The following ERG variants were observed in gnomAD, a reference collection of about 807,000 sequenced individuals.
ERG encodes the protein transcriptional regulator ERG.
A neutral mutation model predicts 55.3 loss-of-function variants in ERG; 9 were observed. The ratio of observed to expected loss-of-function variants is 0.16; its 90% CI spans 0.10 to 0.28. The LOEUF (loss-of-function observed/expected upper bound fraction) is 0.28, where lower values mean the gene tolerates loss of function less well. Among genes scored for constraint, ERG ranks in the 10% least tolerant of loss-of-function variants. The pLI, the probability that ERG is intolerant of heterozygous loss-of-function variation, is 1.00. For synonymous variants in ERG, 223 were observed against 237.3 expected (o/e 0.94, Z 0.55); for missense variants, 434 against 631.6 (o/e 0.69, Z 3.35).
In ERG at chr21:38,399,166, G is replaced by A. The variant is rs912045117; in HGVS notation, c.745+1408C>T. On this transcript the variant is annotated intron_variant, in intron 6 of 9. Coordinates refer to ENST00000288319, the MANE Select transcript of ERG (RefSeq NM_182918.4). ...GGCCTGTGAAATCTTTTACATGACA[G>A]AGATGACTTACTACCTCTTAGTACC... Among the ~76,000 whole-genome samples the A allele has an allele frequency of 5.5e-4, 84 of 152,280 alleles. 1 individual carries two copies. In the East Asian group the frequency reaches 9.7e-3, roughly 18 times the overall value.
At chr21:38,510,848 A>C (rs2059506432) in intron 2 of ERG, among the ~76,000 whole-genome samples, 1 of 152,248 alleles carries the variant, frequency 6.6e-6, no homozygotes, top group African/African-American at 2.4e-5. Flanking sequence ...AGAGCCAGGA[A>C]TAAAAGCTCA....
intron 2 of ERG, among the ~76,000 whole-genome samples, chr21:38,527,047 G>C (rs1568884120): frequency 6.6e-6 from 1 of 152,162 alleles, no homozygotes; most frequent in African/African-American, 2.4e-5. Context: ...TGCATCCTCA[G>C]ATCTGAGAGT....
At position 38,466,300 on chromosome 21, in the gene ERG, G is replaced by GGTGTGTGTGTGTGTGTGTGT. The variant is rs145670035; in HGVS notation, c.19-20699_19-20680dup. 3.6e-3 allele frequency among the ~76,000 whole-genome samples: 513 copies of GGTGTGTGTGTGTGTGTGTGT among 140,670 alleles called. 1 individual carries two copies. The highest frequency in any genetic ancestry group is 0.012 in the African/African-American group (449 of 37,806). 92.3% of individuals were successfully genotyped at this position (140,670 alleles called of 152,430 possible). A position where few individuals can be genotyped will look rare whatever the true frequency, so the allele number is the denominator to read the frequency against. Reference sequence around the variant, plus strand: ...CAGTTTAGGCTGTCTGATGGTCTGGGGTGTGTGTGTGTGTGTGTGTGTGTG... The same window carrying GGTGTGTGTGTGTGTGTGTGT: ...CAGTTTAGGCTGTCTGATGGTCTGGGGTGTGTGTGTGTGTGTGTGTGTGTGTGTGTGTGTGTGTGTGTGTG... On this transcript the variant is annotated intron_variant, in intron 1 of 9. Transcript: ENST00000288319.
chr21:38,617,026 T>C (rs371664783), intron 1 of ERG, among the ~76,000 whole-genome samples: 2 of 152,214 alleles, frequency 1.3e-5, no homozygotes, highest in South Asian at 2.1e-4. Flanking sequence ...ATTACCTGCC[T>C]GAATTTCTAG....
chr21:38,656,595 G>A (rs2060520639), intron 1 of ERG, among the ~76,000 whole-genome samples: 1 of 152,132 alleles, frequency 6.6e-6, no homozygotes, highest in East Asian at 1.9e-4. Flanking sequence ...ACTTTAGTGA[G>A]CCCCAAGAAT....
intron 1 of ERG, among the ~76,000 whole-genome samples, chr21:38,485,880 G>T (rs796452540): frequency 3.3e-5 from 5 of 152,044 alleles, no homozygotes; most frequent in African/African-American, 1.2e-4. Context: ...TCCATTCATG[G>T]TAAGTGCCTT....
intron 1 of ERG, chr21:38,470,933 A>C (rs2059133541): frequency 6.6e-6 from 1 of 152,184 alleles, no homozygotes; most frequent in African/African-American, 2.4e-5. Flanking sequence ...GGGAGGGTCG[A>C]GGTGACTCAG....
At chr21:38,407,798 C>T (rs1011669559) in intron 3 of ERG, among the ~76,000 whole-genome samples, 267 of 145,636 alleles carry the variant, frequency 1.8e-3, no homozygotes, top group Non-Finnish European at 3.2e-3. Flanking sequence ...AAAAATGAAA[C>T]TATGCAAAGC....
chr21:38,477,905 C>A (rs2059203811), intron 1 of ERG, among the ~76,000 whole-genome samples: 1 of 152,220 alleles, frequency 6.6e-6, no homozygotes, highest in Non-Finnish European at 1.5e-5. Context: ...ATATATTTAG[C>A]ATGTCCTAAA....
intron 1 of ERG, among the ~76,000 whole-genome samples, chr21:38,646,521 G>C (rs1409191195): frequency 6.6e-6 from 1 of 152,134 alleles, no homozygotes; most frequent in Non-Finnish European, 1.5e-5. Flanking sequence ...CTAAGAATCT[G>C]CTTTTCCCTT....
upstream of ERG, among the ~76,000 whole-genome samples, chr21:38,499,266 C>T (rs1409272620): frequency 6.6e-6 from 1 of 152,196 alleles, no homozygotes; most frequent in Non-Finnish European, 1.5e-5. Context: ...AACAGATCCT[C>T]ATAGAACTTT....
chr21:38,402,670 GAAA>G, intron 4 of ERG, 33 bp from the exon 5 acceptor site: 1 of 593,818 alleles, frequency 1.7e-6, no homozygotes, highest in South Asian at 3.6e-5. Context: ...ACATCAAAAT[GAAA>G]AAAAAAAGAG....
At chr21:38,606,516 G>A (rs1303768431) in intron 1 of ERG, among the ~76,000 whole-genome samples, 1 of 152,110 alleles carries the variant, frequency 6.6e-6, no homozygotes, top group East Asian at 1.9e-4. Context: ...ACCAAAATAA[G>A]TAGATTTTAG....
At chr21:38,610,794 GTC>G (rs771733393) in intron 1 of ERG, among the ~76,000 whole-genome samples, 1 of 152,194 alleles carries the variant, frequency 6.6e-6, no homozygotes, top group Non-Finnish European at 1.5e-5. Flanking sequence ...CCCACGCTGT[GTC>G]TCTCTCTGTC....
At chr21:38,438,672 A>G (rs1373031261) in intron 2 of ERG, among the ~76,000 whole-genome samples, 1 of 152,232 alleles carries the variant, frequency 6.6e-6, no homozygotes, top group Non-Finnish European at 1.5e-5. Context: ...CAAAGCGCCA[A>G]TGTGGCGGGA....
chr21:38,369,844 C>G, the ERG span, among the ~76,000 whole-genome samples: 1 of 152,204 alleles, frequency 6.6e-6, no homozygotes, highest in Non-Finnish European at 1.5e-5. Flanking sequence ...TATGACTTAC[C>G]ACTTATCCTA....
chr21:38,467,351 C>T (rs955511093), intron 1 of ERG, among the ~76,000 whole-genome samples: 2 of 152,154 alleles, frequency 1.3e-5, no homozygotes, highest in African/African-American at 2.4e-5. Flanking sequence ...TAGCTAGCTC[C>T]GGATCTTTTA....
intron 1 of ERG, among the ~76,000 whole-genome samples, chr21:38,652,754 G>A (rs1048060572): frequency 6.6e-6 from 1 of 152,214 alleles, no homozygotes; most frequent in African/African-American, 2.4e-5. Flanking sequence ...TGTATTGCAC[G>A]AGGCTGTCTC....
chr21:38,381,595 C>T lies in ERG; in HGVS notation c.*1808G>A. ...TGTAAAGTGAGAAATTGCAGCTATC[C>T]ATGACGCTTTATTTGCCAGTAATAA... is the stretch of plus-strand genomic sequence containing the variant. On this transcript the variant is annotated 3_prime_UTR_variant, in exon 10 of 10. Transcript: ENST00000288319. 1 of 1,063,052 alleles carries T rather than the reference C, an allele frequency of 9.4e-7. No individual in the cohort carries two copies. The highest frequency in any genetic ancestry group is 5.1e-5 in the East Asian group (1 of 19,788). The allele number at this position is 1,063,052 out of a possible 1,614,324, so 65.9% of individuals were successfully genotyped here. A position where few individuals can be genotyped will look rare whatever the true frequency, so the allele number is the denominator to read the frequency against.
Sources: gnomAD v4.1 joint callset for allele counts (sites outside exome capture counted in the v4.1 genomes callset) on GRCh38, gnomAD v4.1.1 for gene constraint, MANE v1.5 for transcripts, NCBI Gene and HGNC (gene_info 2026-07-23, HGNC 2026-07-21) for gene names.